TSHZ2: variants seen among roughly 807,000 people sequenced by gnomAD.
TSHZ2 encodes the protein teashirt zinc finger homeobox 2.
Under a neutral mutation model 74.4 loss-of-function variants are expected in TSHZ2, and 21 were observed. That is an observed-to-expected ratio of 0.28 (90% CI 0.20 to 0.41). TSHZ2 has a LOEUF of 0.41. Ranked by LOEUF, TSHZ2 falls within the 10% of genes least tolerant of loss-of-function variation. The pLI, the probability that TSHZ2 is intolerant of heterozygous loss-of-function variation, is 1.00. For missense variants in TSHZ2, 1,244 were observed against 1,293.5 expected (o/e 0.96, Z 0.59); for synonymous variants, 540 against 515.3 (o/e 1.05, Z -0.65).
chr20:53,154,246 C>G (rs942268938), intron 1 of TSHZ2, among the ~76,000 whole-genome samples: 6 of 151,942 alleles, frequency 3.9e-5, no homozygotes, highest in African/African-American at 1.2e-4. Flanking sequence ...GCAACTCCCC[C>G]AAAACTTTAG....
At chr20:53,420,985 G>A (rs552287837) in intron 2 of TSHZ2, among the ~76,000 whole-genome samples, 22 of 152,172 alleles carry the variant, frequency 1.4e-4, no homozygotes, top group Non-Finnish European at 2.5e-4. Context: ...ACAGAGCTAC[G>A]TTTCAATGGA....
intron 2 of TSHZ2, among the ~76,000 whole-genome samples, chr20:53,302,477 C>T (rs1245355680): frequency 6.6e-6 from 1 of 152,164 alleles, no homozygotes; most frequent in East Asian, 1.9e-4. Flanking sequence ...ATCTCATCAT[C>T]CTGTGGCAAA....
At chr20:52,989,453 G>A (rs1981894407) in intron 1 of TSHZ2, among the ~76,000 whole-genome samples, 1 of 152,106 alleles carries the variant, frequency 6.6e-6, no homozygotes, top group Non-Finnish European at 1.5e-5. Context: ...AAAATAAAAT[G>A]AGCTTATTTC....
chr20:53,023,188 G>T (rs548704425), intron 1 of TSHZ2, among the ~76,000 whole-genome samples: 1 of 152,192 alleles, frequency 6.6e-6, no homozygotes, highest in Admixed American at 6.5e-5. Flanking sequence ...TACATTTTTT[G>T]GGTGTATTGT....
chr20:53,131,829 CCCCCCA>C (rs1303788620), intron 1 of TSHZ2, among the ~76,000 whole-genome samples: 88 of 115,784 alleles, frequency 7.6e-4, no homozygotes, highest in Middle Eastern at 4.4e-3. Flanking sequence ...ACCCCCCCCC[CCCCCCA>C]AAAAAAAAAA....
intron 1 of TSHZ2, among the ~76,000 whole-genome samples, chr20:53,130,302 G>A (rs759114317): frequency 6.6e-6 from 1 of 151,972 alleles, no homozygotes; most frequent in Non-Finnish European, 1.5e-5. Flanking sequence ...AAAGCCAAAG[G>A]TGAATTTTAT....
chr20:53,133,968 T>TTAA (rs1381925781), intron 1 of TSHZ2, among the ~76,000 whole-genome samples: 1 of 59,966 alleles, frequency 1.7e-5, no homozygotes, highest in African/African-American at 9.1e-5. Flanking sequence ...CCATTTTTTC[T>TTAA]GAAAAAAAAA....
intron 1 of TSHZ2, among the ~76,000 whole-genome samples, chr20:53,066,656 C>T (rs1405437080): frequency 3.3e-5 from 5 of 152,044 alleles, no homozygotes; most frequent in East Asian, 1.9e-4. Context: ...AACAGGTACG[C>T]GCCACAACAC....
Position 53,386,926 on chromosome 20 carries a change from C to G in TSHZ2, c.*9-100218C>G, listed in dbSNP as rs145710179. 5.9e-5 allele frequency among the ~76,000 whole-genome samples: 9 copies of G among 151,482 alleles called. No individual in the cohort carries two copies. In the East Asian group the frequency reaches 1.6e-3, roughly 26 times the overall value. The stretch of plus-strand genomic sequence containing the variant: ...TGCTCTTTTGTAAAGAAAATCACAT[C>G]TGTTTCCTTTTATATATGAAAGGGA... On this transcript the variant is annotated intron_variant, in intron 2 of 2. Coordinates refer to ENST00000371497, the MANE Select transcript of TSHZ2 (RefSeq NM_173485.6).
intron 2 of TSHZ2, among the ~76,000 whole-genome samples, chr20:53,410,582 C>T (rs1449527606): frequency 8.5e-6 from 1 of 118,280 alleles, no homozygotes; most frequent in African/African-American, 3.2e-5. Flanking sequence ...CTGTTATTAT[C>T]GTCACATTAT....
chr20:53,410,433 TG>T (rs1311690399), intron 2 of TSHZ2, among the ~76,000 whole-genome samples: 1 of 152,154 alleles, frequency 6.6e-6, no homozygotes, highest in Non-Finnish European at 1.5e-5. Context: ...CCAAGGCACC[TG>T]TAAGTTATGA....
chr20:53,016,931 C>T (rs1983059270), intron 1 of TSHZ2, among the ~76,000 whole-genome samples: 1 of 152,060 alleles, frequency 6.6e-6, no homozygotes, highest in African/African-American at 2.4e-5. Context: ...GGGGGGCTTG[C>T]TTGTTTTCAT....
At chr20:53,250,765 C>G (rs548879502) in intron 1 of TSHZ2, among the ~76,000 whole-genome samples, 276 of 151,366 alleles carry the variant, frequency 1.8e-3, no homozygotes, top group African/African-American at 6.5e-3. Context: ...TCTGGGGAAT[C>G]CATTTAGAAG....
intron 1 of TSHZ2, among the ~76,000 whole-genome samples, chr20:53,011,911 T>C (rs1982864487): frequency 6.6e-6 from 1 of 152,144 alleles, no homozygotes; most frequent in East Asian, 1.9e-4. Context: ...CAATGGTCCC[T>C]GCACTTTACA....
chr20:53,059,092 G>A (rs983706741), intron 1 of TSHZ2, among the ~76,000 whole-genome samples: 8 of 152,162 alleles, frequency 5.3e-5, no homozygotes, highest in African/African-American at 4.8e-5. Context: ...AATGTGAGTA[G>A]TCTTGAATTG....
At chr20:53,021,663 A>G (rs759529425) in intron 1 of TSHZ2, among the ~76,000 whole-genome samples, 2 of 152,110 alleles carry the variant, frequency 1.3e-5, no homozygotes, top group Non-Finnish European at 2.9e-5. Flanking sequence ...GCCTTTACCA[A>G]CTCCAGCAGG....
intron 2 of TSHZ2, among the ~76,000 whole-genome samples, chr20:53,409,314 C>T (rs1356812864): frequency 6.6e-6 from 1 of 151,854 alleles, no homozygotes; most frequent in African/African-American, 2.4e-5. Flanking sequence ...TATTCTTGTT[C>T]GTCTTCCTGA....
intron 2 of TSHZ2, among the ~76,000 whole-genome samples, chr20:53,257,762 T>G (rs1472934476): frequency 6.6e-6 from 1 of 152,242 alleles, no homozygotes; most frequent in East Asian, 1.9e-4. Flanking sequence ...ACCAATCCAG[T>G]TGACGTCATG....
intron 2 of TSHZ2, among the ~76,000 whole-genome samples, chr20:53,383,056 G>T (rs907919535): frequency 6.6e-6 from 1 of 152,002 alleles, no homozygotes; most frequent in Non-Finnish European, 1.5e-5. Context: ...AGGTTCGGAG[G>T]TCGAGACCAG....
Sources: gnomAD v4.1 joint callset for allele counts (sites outside exome capture counted in the v4.1 genomes callset) on GRCh38, gnomAD v4.1.1 for gene constraint, MANE v1.5 for transcripts, NCBI Gene and HGNC (gene_info 2026-07-23, HGNC 2026-07-21) for gene names.